The following DIMT1 variants were observed in gnomAD, a reference collection of about 807,000 sequenced individuals.
DIMT1 encodes dimethyladenosine transferase.
A neutral mutation model predicts 43.2 loss-of-function variants in DIMT1; 36 were observed. The ratio of observed to expected loss-of-function variants is 0.83; its 90% CI spans 0.64 to 1.10. The LOEUF is 1.10. Ranked by LOEUF, DIMT1 falls within the 50% of genes least tolerant of loss-of-function variation. The pLI is 0.00. For synonymous variants in DIMT1, 126 were observed against 130.3 expected, an observed-to-expected ratio of 0.97 and a Z score of 0.22; for missense variants, 341 against 385.3, an observed-to-expected ratio of 0.88 and a Z score of 0.96.
intron 1 of DIMT1, 113 bp downstream of exon 1, chr5:62,403,581 C>G: frequency 2.3e-6 from 3 of 1,317,204 alleles, no homozygotes; most frequent in Non-Finnish European, 2.1e-6. Context: ...TCCGCGCTCA[C>G]GGGAGCGCGT....
rs542408048 is a variant in DIMT1, at chr5:62,390,546, G to A, written c.899+330C>T. Among the ~76,000 whole-genome samples the A allele has an allele frequency of 2.0e-5, 3 of 152,310 alleles. No homozygotes were observed. In the South Asian group the frequency reaches 6.2e-4, roughly 32 times the overall value. On this transcript the variant is annotated intron_variant, in intron 11 of 11. Transcript: ENST00000199320. ...CTTATGGACTATTTTGGAGGGATAA[G>A]CTATTAAGACTAAGACTATGAATGA...
At position 62,387,950 on chromosome 5, in the gene DIMT1, A is replaced by G. The variant is rs1010795793; in HGVS notation, c.*1060T>C. ...TAAGTTAGGTATTAAAAAAAGCCAAATATCAATAAAGATATTTTTATTAAT... is the reference window on the plus strand; with the variant it reads ...TAAGTTAGGTATTAAAAAAAGCCAAGTATCAATAAAGATATTTTTATTAAT... On this transcript the variant is annotated 3_prime_UTR_variant, in exon 12 of 12. Transcript: ENST00000199320. The G allele has an allele frequency of 2.0e-5, 3 of 152,252 alleles. No individual in the cohort carries two copies. Among genetic ancestry groups the G allele is most frequent in the Middle Eastern group, 3.4e-3 (1 of 294 alleles). The allele number at this position is 152,252 out of a possible 1,614,324, so 9.4% of individuals were successfully genotyped here.
At position 62,403,855 on chromosome 5, in the gene DIMT1, C is replaced by A. The variant is rs529160996; in HGVS notation, c.-83G>T. 4.5e-4 allele frequency: 621 copies of A among 1,371,702 alleles called. No individual in the cohort carries two copies. The highest frequency in any genetic ancestry group is 5.9e-4 in the Non-Finnish European group (589 of 999,478). The allele number at this position is 1,371,702 out of a possible 1,614,324, so 85.0% of individuals were successfully genotyped here. ...CGTGAGAAAGCCACCACGTGGGGAT[C>A]GCCGCCACGCGCCGCCCGCACCACT... On this transcript the variant is annotated 5_prime_UTR_variant, in exon 1 of 12. Coordinates refer to ENST00000199320, the MANE Select transcript of DIMT1 (RefSeq NM_014473.4).
Position 62,392,287 on chromosome 5 carries a change from TCTTA to T in DIMT1, c.729-57_729-54del, listed in dbSNP as rs142896452. 1.7e-4 allele frequency: 257 copies of T among 1,536,668 alleles called. 1 individual carries two copies. The African/African-American group carries it at 3.1e-3, about 18-fold the overall frequency. On this transcript the variant is annotated intron_variant, in intron 9 of 11. Coordinates refer to ENST00000199320, the MANE Select transcript of DIMT1 (RefSeq NM_014473.4). ...TTATTATTCCAAAGTCAGAGTAATT[TCTTA>T]CTTTTTTAAACTTTTTTTTAACTAA...
At chr5:62,399,777 G>A (rs773476421) in intron 3 of DIMT1, among the ~76,000 whole-genome samples, 2 of 151,878 alleles carry the variant, frequency 1.3e-5, no homozygotes, top group South Asian at 2.1e-4. Flanking sequence ...GTGGCGGCAC[G>A]TGCCTGTAAT....
At position 62,398,671 on chromosome 5, in the gene DIMT1, G is replaced by T. The variant is rs749141596; in HGVS notation, c.371C>A (p.Thr124Asn). 22 of 1,614,186 alleles carry T rather than the reference G, an allele frequency of 1.4e-5. No homozygotes were observed. Among genetic ancestry groups the T allele is most frequent in the Non-Finnish European group, 1.9e-5 (22 of 1,180,040 alleles). The change falls in exon 5 of 12, where the codon ACT becomes AAT. Residue 124 changes from threonine to asparagine, a missense_variant. By Grantham distance (65) the Thr-to-Asn change is moderately conservative. Transcript: ENST00000199320. ...CTGATAAGGCAAATTTGCCACACAA[G>T]TATCAAAGAATGGCAAATCTGTTTT... ...VLKTDLPFFD[T>N]CVANLPYQIS...
In DIMT1 at chr5:62,403,252, C is replaced by T. The variant is rs780492108; in HGVS notation, c.153+21G>A. 6.8e-6 allele frequency: 11 copies of T among 1,607,318 alleles called. No homozygotes were observed. In the East Asian group the frequency reaches 1.8e-4, roughly 26 times the overall value. On this transcript the variant is annotated intron_variant, in intron 2 of 11. Transcript: ENST00000199320. ...AAATTAATAAACCAACAACTCTCTC[C>T]CTTTCCTCTTCCACACCCACCTTAT... is the stretch of plus-strand genomic sequence containing the variant.
intron 10 of DIMT1, chr5:62,391,672 A>G (rs1170629286): frequency 8.4e-7 from 1 of 1,186,728 alleles, no homozygotes; most frequent in Non-Finnish European, 1.0e-6. Flanking sequence ...ATCACATCGC[A>G]CACACTGTTA....
rs764803655 is a variant in DIMT1, at chr5:62,394,004, C to A, written c.614G>T (p.Ser205Ile). The A allele has an allele frequency of 2.6e-5, 42 of 1,612,382 alleles. No individual in the cohort carries two copies. The highest frequency in any genetic ancestry group is 2.6e-5 in the Non-Finnish European group (31 of 1,179,564). The change falls in exon 8 of 12, where the codon AGT (serine) becomes ATT (isoleucine). Residue 205 changes from serine to isoleucine, a missense_variant. Coordinates refer to ENST00000199320, the MANE Select transcript of DIMT1 (RefSeq NM_014473.4). ...NFRPPPKVES[S>I]VVRIEPKNPP... The stretch of plus-strand genomic sequence containing the variant: ...ATTCTTAGGTTCTATCCTTACAACA[C>A]TGGATTCCACCTTGGGCGGTGGTCT...
At chr5:62,396,091 T>C (rs1473077733) in intron 6 of DIMT1, among the ~76,000 whole-genome samples, 1 of 145,732 alleles carries the variant, frequency 6.9e-6, no homozygotes, top group East Asian at 2.1e-4. Context: ...CATTTTAGTC[T>C]ATATCAAAAA....
chr5:62,388,704 A>G lies in DIMT1; in HGVS notation c.*306T>C. The stretch of plus-strand genomic sequence containing the variant: ...CCTTACAGTATATAACAGTAAATAG[A>G]AGAGTAACATCTTTATACAATAAAC... On this transcript the variant is annotated 3_prime_UTR_variant, in exon 12 of 12. Transcript: ENST00000199320. 1 of 338,514 alleles carries G rather than the reference A, an allele frequency of 3.0e-6. No individual in the cohort carries two copies. 21.0% of individuals were successfully genotyped at this position (338,514 alleles called of 1,614,324 possible). A position where few individuals can be genotyped will look rare whatever the true frequency, so the allele number is the denominator to read the frequency against.
chr5:62,395,026 C>CTTT (rs35544397), intron 6 of DIMT1, among the ~76,000 whole-genome samples: 2 of 143,774 alleles, frequency 1.4e-5, no homozygotes, highest in Non-Finnish European at 1.5e-5. Context: ...AAGATGTAGA[C>CTTT]TTTTTTTTTT....
chr5:62,399,861 G>A (rs149682772), intron 3 of DIMT1, among the ~76,000 whole-genome samples: 5 of 152,062 alleles, frequency 3.3e-5, no homozygotes, highest in Middle Eastern at 3.4e-3. Context: ...AGCCGAGATC[G>A]CGCCACAGCA....
At position 62,388,214 on chromosome 5, in the gene DIMT1, T is replaced by A. The variant is rs186496449; in HGVS notation, c.*796A>T. ...GGAACCTGTAGTTATGGGAAATGGC[T>A]GTTTTTCTGAAGTTGAAACCAGTTT... is the stretch of plus-strand genomic sequence containing the variant. On this transcript the variant is annotated 3_prime_UTR_variant, in exon 12 of 12. Transcript: ENST00000199320. 7 of 152,368 alleles carry A rather than the reference T, an allele frequency of 4.6e-5. No homozygotes were observed. Among genetic ancestry groups the A allele is most frequent in the Non-Finnish European group, 5.9e-5 (4 of 68,034 alleles). The allele number at this position is 152,368 out of a possible 1,614,324, so 9.4% of individuals were successfully genotyped here.
intron 10 of DIMT1, 191 bp from the exon 11 acceptor site, chr5:62,391,173 T>G: frequency 1.9e-6 from 1 of 535,164 alleles, no homozygotes; most frequent in Non-Finnish European, 3.3e-6. Flanking sequence ...TAACAAAAAC[T>G]TGGAATACCT....
intron 6 of DIMT1, among the ~76,000 whole-genome samples, chr5:62,397,697 G>T (rs1355742437): frequency 6.6e-6 from 1 of 151,606 alleles, no homozygotes. Flanking sequence ...CGCCAAGGCT[G>T]GAGTGCAGTG....
chr5:62,394,432 C>CA, intron 7 of DIMT1, 52 bp downstream of exon 7: 1 of 1,587,054 alleles, frequency 6.3e-7, no homozygotes, highest in Non-Finnish European at 8.6e-7. Context: ...GCCTGGGTGA[C>CA]AGAGTGAGAT....
chr5:62,389,079 G>A, intron 11 of DIMT1, 27 bp from the exon 12 acceptor site: 3 of 1,594,930 alleles, frequency 1.9e-6, no homozygotes, highest in South Asian at 1.1e-5. Context: ...AAATGGAATG[G>A]TACTGAAAAG....
At chr5:62,394,735 C>A in intron 6 of DIMT1, 128 bp from the exon 7 acceptor site, 1 of 1,333,626 alleles carries the variant, frequency 7.5e-7, no homozygotes, top group Non-Finnish European at 1.0e-6. Context: ...TAGGAGAACA[C>A]ATTCAGCCTT....
Sources: allele counts gnomAD v4.1 joint callset (sites outside exome capture counted in the v4.1 genomes callset), GRCh38; gene constraint gnomAD v4.1.1; transcripts MANE v1.5; gene names NCBI Gene and HGNC (gene_info 2026-07-23, HGNC 2026-07-21).